RPS6KA2: variants seen among roughly 807,000 people sequenced by gnomAD.
RPS6KA2 encodes ribosomal protein S6 kinase A2.
In RPS6KA2, 42 loss-of-function variants were observed where a neutral mutation model predicts 91.8. The observed-to-expected ratio is 0.46, with a 90% CI of 0.36 to 0.59. The LOEUF (loss-of-function observed/expected upper bound fraction) is 0.59. Ranked by LOEUF, RPS6KA2 falls within the 20% of genes least tolerant of loss-of-function variation. RPS6KA2 has a pLI of 0.00. For missense variants in RPS6KA2, 798 were observed against 978.5 expected (o/e 0.82, Z 2.46); for synonymous variants, 414 against 393.6 (o/e 1.05, Z -0.61).
chr6:166,584,308 G>A (rs533678730), intron 1 of RPS6KA2, among the ~76,000 whole-genome samples: 86 of 152,276 alleles, frequency 5.6e-4, no homozygotes, highest in South Asian at 1.9e-3. Context: ...ATCGAATCAG[G>A]GCCCCAGGCT....
chr6:166,505,077 TG>T (rs1782149841), intron 5 of RPS6KA2, among the ~76,000 whole-genome samples: 1 of 152,182 alleles, frequency 6.6e-6, no homozygotes, highest in Admixed American at 6.5e-5. Context: ...CTCCACTCCT[TG>T]GGTTGATGCA....
intron 2 of RPS6KA2, among the ~76,000 whole-genome samples, chr6:166,716,566 G>A (rs1159935999): frequency 6.6e-6 from 1 of 152,208 alleles, no homozygotes; most frequent in African/African-American, 2.4e-5. Context: ...CAGATGTGCG[G>A]TCTGCTGGCG....
At chr6:166,697,197 T>A (rs1047777974) in intron 2 of RPS6KA2, among the ~76,000 whole-genome samples, 1 of 145,860 alleles carries the variant, frequency 6.9e-6, no homozygotes, top group Non-Finnish European at 1.5e-5. Flanking sequence ...GAAATAATAT[T>A]GTCTAGGGAG....
At position 166,733,067 on chromosome 6, in the gene RPS6KA2, G is replaced by A. The variant is rs2128589654; in HGVS notation, c.123+125133C>T. ...ACCCTCTTTGCAGAAGCTTTCACGA[G>A]CCTAAGGGTGAGATGCTCTGCCCCC... On this transcript the variant is annotated intron_variant, in intron 2 of 21. Transcript: ENST00000503859. The surrounding 1 kb of genome is among the most constrained non-coding windows in gnomAD (Gnocchi z 4.1). 6.6e-6 allele frequency among the ~76,000 whole-genome samples: 1 copy of A among 152,292 alleles called. No individual in the cohort carries two copies. Among genetic ancestry groups the A allele is most frequent in the Non-Finnish European group, 1.5e-5 (1 of 68,032 alleles).
At chr6:166,851,175 G>A (rs988252013) in intron 2 of RPS6KA2, among the ~76,000 whole-genome samples, 6 of 152,172 alleles carry the variant, frequency 3.9e-5, no homozygotes, top group South Asian at 2.1e-4. Context: ...GAAAACAGGC[G>A]CACATCAAGA....
At chr6:166,663,574 A>G (rs947074967) in intron 2 of RPS6KA2, among the ~76,000 whole-genome samples, 1 of 152,232 alleles carries the variant, frequency 6.6e-6, no homozygotes, top group Non-Finnish European at 1.5e-5. Context: ...CCCTTCTCCA[A>G]AAGGAATACC....
chr6:166,417,661 G>A (rs567053366), intron 19 of RPS6KA2, among the ~76,000 whole-genome samples: 3 of 151,352 alleles, frequency 2.0e-5, no homozygotes, highest in Non-Finnish European at 4.4e-5. Context: ...ACGCACGCAT[G>A]TTCTGTTTGT....
At position 166,842,699 on chromosome 6, in the gene RPS6KA2, G is replaced by A. The variant is rs558074511; in HGVS notation, c.123+15501C>T. On this transcript the variant is annotated intron_variant, in intron 2 of 21. Transcript: ENST00000503859. Reference sequence around the variant, plus strand: ...ACAACTTGTGTCTCCGGCCAGCTCCGTGCTTCTTAGCCCAATACCCAGAGT... The same window carrying A: ...ACAACTTGTGTCTCCGGCCAGCTCCATGCTTCTTAGCCCAATACCCAGAGT... Among the ~76,000 whole-genome samples, 52 of 152,270 alleles carry A rather than the reference G, an allele frequency of 3.4e-4. No individual in the cohort carries two copies. The Middle Eastern group carries it at 0.01, about 30-fold the overall frequency.
intron 2 of RPS6KA2, chr6:166,701,110 T>G: frequency 6.2e-7 from 1 of 1,610,902 alleles, no homozygotes; most frequent in East Asian, 2.2e-5. Context: ...CCGTCTTGAC[T>G]GAGGTGGTCC....
chr6:166,463,178 T>C (rs571762712), intron 11 of RPS6KA2: 1 of 152,372 alleles, frequency 6.6e-6, no homozygotes, highest in South Asian at 2.1e-4. Flanking sequence ...TATGTGTTAT[T>C]ACTGTGTATG....
chr6:166,767,224 C>T lies in RPS6KA2; in HGVS notation c.123+90976G>A, dbSNP rs982351633. On this transcript the variant is annotated intron_variant, in intron 2 of 21. Transcript: ENST00000503859. This position sits in a 1 kb window ranked among gnomAD's most constrained non-coding sequence, Gnocchi z 4.6. The stretch of plus-strand genomic sequence containing the variant: ...CCCAGTTTTTAATGTCGCCTATCAC[C>T]TCCCCATGAGCAACGCCATCAAAAA... Among the ~76,000 whole-genome samples, 2 of 152,182 alleles carry T rather than the reference C, an allele frequency of 1.3e-5. No individual in the cohort carries two copies. The highest frequency in any genetic ancestry group is 2.9e-5 in the Non-Finnish European group (2 of 68,046).
At chr6:166,751,603 C>T (rs1258425505) in intron 2 of RPS6KA2, among the ~76,000 whole-genome samples, 1 of 152,228 alleles carries the variant, frequency 6.6e-6, no homozygotes, top group Non-Finnish European at 1.5e-5. Flanking sequence ...CCACTGGAGC[C>T]GTGGAAAGAG....
At chr6:166,461,266 A>G (rs1780277625) in intron 11 of RPS6KA2, among the ~76,000 whole-genome samples, 1 of 152,124 alleles carries the variant, frequency 6.6e-6, no homozygotes, top group African/African-American at 2.4e-5. Context: ...TCAGAAATGA[A>G]AAGACGCTGC....
At chr6:166,842,314 G>T (rs1219731796) in intron 2 of RPS6KA2, among the ~76,000 whole-genome samples, 2 of 152,242 alleles carry the variant, frequency 1.3e-5, no homozygotes, top group Non-Finnish European at 2.9e-5. Flanking sequence ...AGTCGCCAGG[G>T]TGGCCCTGAT....
chr6:166,853,667 G>C (rs1780809811), intron 2 of RPS6KA2, among the ~76,000 whole-genome samples: 1 of 152,254 alleles, frequency 6.6e-6, no homozygotes, highest in African/African-American at 2.4e-5. Flanking sequence ...TGGCTGTGAG[G>C]TTCGTTTGAG....
At chr6:166,545,514 G>A (rs1257334711) in intron 1 of RPS6KA2, among the ~76,000 whole-genome samples, 1 of 152,192 alleles carries the variant, frequency 6.6e-6, no homozygotes, top group Admixed American at 6.5e-5. Flanking sequence ...AGTGGACAGA[G>A]ACTATGGGAA....
intron 1 of RPS6KA2, among the ~76,000 whole-genome samples, chr6:166,546,470 T>C (rs1783831581): frequency 6.8e-6 from 1 of 146,398 alleles, no homozygotes; most frequent in Admixed American, 7.0e-5. Context: ...TGTGTCACCC[T>C]GACTGGGAAA....
At chr6:166,529,201 GA>G in intron 3 of RPS6KA2, among the ~76,000 whole-genome samples, 1 of 152,348 alleles carries the variant, frequency 6.6e-6, no homozygotes, top group East Asian at 1.9e-4. Flanking sequence ...ACTGGATTAA[GA>G]AAATGTGGCA....
At chr6:166,838,404 G>C (rs903833010) in intron 2 of RPS6KA2, among the ~76,000 whole-genome samples, 1 of 152,034 alleles carries the variant, frequency 6.6e-6, no homozygotes, top group African/African-American at 2.4e-5. Flanking sequence ...TTTTCAGAGA[G>C]CCATACTGAA....
Sources: gnomAD v4.1 joint callset for allele counts (sites outside exome capture counted in the v4.1 genomes callset) on GRCh38, gnomAD v4.1.1 for gene constraint, Gnocchi (gnomAD v3.1) non-coding constraint, MANE v1.5 for transcripts, NCBI Gene and HGNC (gene_info 2026-07-23, HGNC 2026-07-21) for gene names.